Variants in HDHD5 observed in about 807,000 individuals in gnomAD.
HDHD5 encodes haloacid dehalogenase like hydrolase domain containing 5, also known as haloacid dehalogenase-like hydrolase domain-containing 5.
HDHD5 carries 34 observed loss-of-function variants against 35.5 expected under a neutral mutation model. That is an observed-to-expected ratio of 0.96 (90% CI 0.73 to 1.28). The LOEUF (loss-of-function observed/expected upper bound fraction) is 1.28, where lower values mean the gene tolerates loss of function less well. Among genes scored for constraint, HDHD5 ranks in the 50% most tolerant of loss-of-function variants. The pLI is 0.00. For synonymous variants in HDHD5, 248 were observed against 240.6 expected (o/e 1.03, Z -0.29); for missense variants, 589 against 560.2 (o/e 1.05, Z -0.52).
Position 17,137,940 on chromosome 22 carries a change from G to T in HDHD5, c.*81C>A. 4.1e-6 allele frequency: 5 copies of T among 1,207,318 alleles called. No homozygotes were observed. Among genetic ancestry groups the T allele is most frequent in the South Asian group, 3.0e-5 (2 of 67,774 alleles). 74.8% of individuals were successfully genotyped at this position (1,207,318 alleles called of 1,614,324 possible). A position where few individuals can be genotyped will look rare whatever the true frequency, so the allele number is the denominator to read the frequency against. ...GCAAGGGAACCAAGCCCTGACCTGA[G>T]CCCAGTGATCAGGCCAGAGCCCAGC... On this transcript the variant is annotated 3_prime_UTR_variant, in exon 8 of 8. Transcript: ENST00000336737.
At chr22:17,140,336 AAC>A (rs2061585668) in intron 6 of HDHD5, among the ~76,000 whole-genome samples, 1 of 152,204 alleles carries the variant, frequency 6.6e-6, no homozygotes, top group Non-Finnish European at 1.5e-5. Context: ...ACATGACACC[AAC>A]ACAGCTGAGC....
intron 6 of HDHD5, among the ~76,000 whole-genome samples, chr22:17,139,058 C>T (rs140756712): frequency 0.012 from 1,872 of 152,326 alleles, 18 homozygotes; most frequent in Admixed American, 0.02. Context: ...CTGAGGCAGA[C>T]TACGGTTGCG....
In HDHD5 at chr22:17,141,148, C is replaced by A; in HGVS notation, c.657G>T (p.Gly219=). The part of the protein sequence containing the change: ...MDVLLSNGSP[G]AGLATPPYPH... ...GGTAGGGGGGTGTTGCCAGGCCAGC[C>A]CCAGGGCTCCCATTGCTGAGGAGGA... is the stretch of plus-strand genomic sequence containing the variant. Residue 219 remains glycine, a synonymous_variant, in exon 6 of 8, where the codon GGG becomes GGT. Transcript: ENST00000336737. The A allele has an allele frequency of 6.3e-7, 1 of 1,592,940 alleles. No homozygotes were observed. Among genetic ancestry groups the A allele is most frequent in the South Asian group, 1.1e-5 (1 of 88,272 alleles).
chr22:17,157,652 C>T (rs963419916), intron 1 of HDHD5, among the ~76,000 whole-genome samples: 2 of 152,330 alleles, frequency 1.3e-5, no homozygotes, highest in Admixed American at 6.5e-5. Flanking sequence ...ATATTTATAT[C>T]CTGACAGTTT....
At chr22:17,159,838 G>A (rs554356603), upstream of HDHD5, 125 of 262,080 alleles carry the variant, frequency 4.8e-4, no homozygotes, top group Non-Finnish European at 6.1e-4. Context: ...GTAGTACAAG[G>A]TACAAAATGA....
At chr22:17,159,939 T>G (rs1026707203), upstream of HDHD5, 1 of 161,344 alleles carries the variant, frequency 6.2e-6, no homozygotes, top group African/African-American at 2.4e-5. Context: ...GACACAAGGG[T>G]GAATGAACAA....
At chr22:17,151,110 T>C (rs2123868689) in intron 1 of HDHD5, among the ~76,000 whole-genome samples, 1 of 152,344 alleles carries the variant, frequency 6.6e-6, no homozygotes, top group East Asian at 1.9e-4. Flanking sequence ...TTCAAAAACA[T>C]GTCCACTGGC....
Position 17,159,161 on chromosome 22 carries a change from G to T in HDHD5, c.91C>A (p.Pro31Thr). Residue 31 changes from proline to threonine, a missense_variant, in exon 1 of 8, where the codon CCC (proline) becomes ACC (threonine). Physicochemically the swap from Pro to Thr is conservative, Grantham distance 38. Transcript: ENST00000336737. ...CCCACAGCATAGCACCTGCGGGCGG[G>T]GCGGCCCTGGAGCCCCGCAGCCGCG... ...ARAAAGLQGRPARRCYAVGPA... is the reference protein window; with the variant it reads ...ARAAAGLQGRTARRCYAVGPA... 8.2e-7 allele frequency: 1 copy of T among 1,221,434 alleles called. No individual in the cohort carries two copies. The allele number at this position is 1,221,434 out of a possible 1,614,324, so 75.7% of individuals were successfully genotyped here. A position where few individuals can be genotyped will look rare whatever the true frequency, so the allele number is the denominator to read the frequency against.
At chr22:17,161,298 C>T (rs1332599790), upstream of HDHD5, among the ~76,000 whole-genome samples, 2 of 150,742 alleles carry the variant, frequency 1.3e-5, no homozygotes, top group African/African-American at 4.9e-5. Flanking sequence ...GTGGCTCATG[C>T]CTGTAATCCC....
At position 17,143,105 on chromosome 22, in the gene HDHD5, G is replaced by T. The variant is rs1309270794; in HGVS notation, c.564C>A (p.Arg188=). 1.9e-6 allele frequency: 3 copies of T among 1,610,428 alleles called. No homozygotes were observed. The highest frequency in any genetic ancestry group is 1.7e-6 in the Non-Finnish European group (2 of 1,178,568). ...AAAGAGGACCTCTCTTACCTTCAAT[G>T]CGGGGGAAGTCATTCCTCGGGAGGG... ...TTPLPRNDFP[R]IEGVLLLGEP... is the part of the protein sequence containing the mutation. The change falls in exon 5 of 8, where the codon CGC becomes CGA. Residue 188 remains arginine (R), a synonymous_variant. Transcript: ENST00000336737.
Position 17,141,096 on chromosome 22 carries a change from T to C in HDHD5, c.709A>G (p.Met237Val). Residue 237 changes from methionine (M) to valine (V), a missense_variant, in exon 6 of 8, where the codon ATG becomes GTG. Met to Val is a conservative substitution (Grantham distance 21). Transcript: ENST00000336737. Reference protein sequence around the residue: ...YPHLPVLASNMDLLWMAEAKM... With the variant: ...YPHLPVLASNVDLLWMAEAKM... ...GCTTCAGCCATCCACAGGAGATCCA[T>C]GTTGCTGGCTAGGACGGGGAGGTGG... 6.3e-7 allele frequency: 1 copy of C among 1,591,578 alleles called. No individual in the cohort carries two copies. Among genetic ancestry groups the C allele is most frequent in the Non-Finnish European group, 8.5e-7 (1 of 1,170,540 alleles).
At chr22:17,163,219 G>A (rs1272581230), upstream of HDHD5, among the ~76,000 whole-genome samples, 1 of 152,190 alleles carries the variant, frequency 6.6e-6, no homozygotes, top group African/African-American at 2.4e-5. Context: ...TTGTCTCAGA[G>A]AGGGCTTCGG....
chr22:17,142,377 A>C (rs1167385629), intron 5 of HDHD5: 1 of 152,270 alleles, frequency 6.6e-6, no homozygotes, highest in Non-Finnish European at 1.5e-5. Context: ...TTCAATAAAC[A>C]TCAATTTTTC....
intron 1 of HDHD5, among the ~76,000 whole-genome samples, chr22:17,157,271 CTTT>C (rs372356199): frequency 1.5e-5 from 2 of 136,684 alleles, no homozygotes; most frequent in African/African-American, 2.7e-5. Flanking sequence ...GGTTAATTTT[CTTT>C]TTTTTTTTTT....
chr22:17,147,694 CAT>C (rs2061680423), intron 3 of HDHD5, among the ~76,000 whole-genome samples: 1 of 148,310 alleles, frequency 6.7e-6, no homozygotes, highest in Non-Finnish European at 1.5e-5. Context: ...CCTTCGATCA[CAT>C]GCCATCGCAC....
At chr22:17,154,791 A>ATT (rs57909191) in intron 1 of HDHD5, among the ~76,000 whole-genome samples, 1 of 143,776 alleles carries the variant, frequency 7.0e-6, no homozygotes. Flanking sequence ...TGCCTGGCTA[A>ATT]TTTTTTTTTT....
rs2061690795 is a variant in HDHD5, at chr22:17,148,507, C to T, written c.384G>A (p.Glu128=). ...ACACCAGCATCCGCTTCTCATGGTA[C>T]TCGGAGAAGAGCTTCATGGGGCTGT... is the stretch of plus-strand genomic sequence containing the variant. The part of the protein sequence containing the change: ...LSHSPMKLFS[E]YHEKRMLVSG... Residue 128 remains glutamate, a synonymous_variant, in exon 3 of 8, where the codon GAG becomes GAA. Coordinates refer to ENST00000336737, the MANE Select transcript of HDHD5 (RefSeq NM_033070.3). 6.2e-7 allele frequency: 1 copy of T among 1,614,192 alleles called. No homozygotes were observed. The highest frequency in any genetic ancestry group is 8.5e-7 in the Non-Finnish European group (1 of 1,180,034).
chr22:17,149,520 A>G (rs759741448), intron 2 of HDHD5, 22 bp downstream of exon 2: 2 of 1,608,186 alleles, frequency 1.2e-6, no homozygotes, highest in African/African-American at 2.7e-5. Context: ...TTGGGCTTCC[A>G]TGCCTCTGGC....
intron 2 of HDHD5, 51 bp from the exon 3 acceptor site, chr22:17,148,611 G>C (rs768267848): frequency 1.5e-6 from 2 of 1,362,820 alleles, no homozygotes; most frequent in Non-Finnish European, 2.1e-6. Flanking sequence ...GAACTGTTGA[G>C]GGAAATAATG....
Sources: gnomAD v4.1 joint callset for allele counts (sites outside exome capture counted in the v4.1 genomes callset) on GRCh38, gnomAD v4.1.1 for gene constraint, MANE v1.5 for transcripts, NCBI Gene and HGNC (gene_info 2026-07-23, HGNC 2026-07-21) for gene names.